Variants in AFF3 observed in about 807,000 individuals in gnomAD.
The protein encoded by AFF3 is ALF transcription elongation factor 3.
In AFF3, 32 loss-of-function variants were observed where a neutral mutation model predicts 129.7. That is an observed-to-expected ratio of 0.25 (90% confidence interval 0.19 to 0.33). The LOEUF (loss-of-function observed/expected upper bound fraction) is 0.33. Among genes scored for constraint, AFF3 ranks in the 10% least tolerant of loss-of-function variants. The pLI is 1.00. For missense variants in AFF3, 1,373 were observed against 1,592.0 expected (o/e 0.86, Z 2.34); for synonymous variants, 644 against 635.4 (o/e 1.01, Z -0.20).
chr2:99,609,591 T>C (rs189500288), intron 13 of AFF3, among the ~76,000 whole-genome samples: 33 of 152,356 alleles, frequency 2.2e-4, no homozygotes, highest in African/African-American at 7.2e-4. Flanking sequence ...TAGTATTCCA[T>C]GGTATATATA....
intron 19 of AFF3, among the ~76,000 whole-genome samples, chr2:99,568,254 C>T (rs972677847): frequency 3.9e-5 from 6 of 152,206 alleles, no homozygotes; most frequent in African/African-American, 1.2e-4. Flanking sequence ...GATGGAACAA[C>T]CACATGATCT....
intron 10 of AFF3, among the ~76,000 whole-genome samples, chr2:99,728,773 A>C (rs554480438): frequency 1.6e-4 from 25 of 152,306 alleles, no homozygotes; most frequent in Admixed American, 5.2e-4. Flanking sequence ...TACATATAAA[A>C]CCATGTTGGA....
At chr2:99,658,315 C>A (rs1433900336) in intron 12 of AFF3, among the ~76,000 whole-genome samples, 4 of 152,020 alleles carry the variant, frequency 2.6e-5, no homozygotes, top group Non-Finnish European at 5.9e-5. Context: ...GGGACACATG[C>A]CTGGTGTGGG....
chr2:99,856,150 A>G (rs1690508464), intron 7 of AFF3, among the ~76,000 whole-genome samples: 1 of 152,230 alleles, frequency 6.6e-6, no homozygotes, highest in Admixed American at 6.5e-5. Context: ...CAAGAGTAAG[A>G]AAGACATTAA....
At chr2:100,096,076 ACACTCCCATCCCCCCAACCCCAG>A (rs1355387312) in intron 4 of AFF3, among the ~76,000 whole-genome samples, 1 of 151,718 alleles carries the variant, frequency 6.6e-6, no homozygotes, top group Non-Finnish European at 1.5e-5. Context: ...CCCACCCCCA[ACACTCCCATCCCCCCAACCCCAG>A]CCCTCCCAAA....
intron 8 of AFF3, among the ~76,000 whole-genome samples, chr2:99,810,026 C>T (rs575973843): frequency 6.6e-6 from 1 of 152,296 alleles, no homozygotes; most frequent in East Asian, 1.9e-4. Context: ...CTATCTTCAA[C>T]ACCTGCACTG....
intron 13 of AFF3, among the ~76,000 whole-genome samples, chr2:99,607,905 T>A (rs1680531927): frequency 6.6e-6 from 1 of 152,198 alleles, no homozygotes; most frequent in Non-Finnish European, 1.5e-5. Flanking sequence ...CCATACCACA[T>A]GGTAAGTGAA....
intron 8 of AFF3, among the ~76,000 whole-genome samples, chr2:99,835,452 G>T (rs1325493719): frequency 6.6e-6 from 1 of 152,106 alleles, no homozygotes; most frequent in Non-Finnish European, 1.5e-5. Flanking sequence ...GTGAAGAGGG[G>T]TAGAGGATCT....
intron 13 of AFF3, among the ~76,000 whole-genome samples, chr2:99,601,956 T>C (rs570748402): frequency 1.3e-5 from 2 of 152,318 alleles, no homozygotes; most frequent in Non-Finnish European, 2.9e-5. Flanking sequence ...GCTTTTCAAA[T>C]GCATCCCCAA....
At chr2:99,621,909 G>A (rs946685443) in intron 13 of AFF3, among the ~76,000 whole-genome samples, 2 of 152,060 alleles carry the variant, frequency 1.3e-5, no homozygotes, top group African/African-American at 2.4e-5. Context: ...TGAAATAGAC[G>A]CAGGCCACGG....
At chr2:99,868,127 G>GA (rs1403416146) in intron 7 of AFF3, among the ~76,000 whole-genome samples, 1 of 151,244 alleles carries the variant, frequency 6.6e-6, no homozygotes, top group Non-Finnish European at 1.5e-5. Context: ...CACAGCTTTT[G>GA]AAAGAGTGCT....
intron 18 of AFF3, chr2:99,572,494 G>T: frequency 2.4e-6 from 1 of 419,238 alleles, no homozygotes; most frequent in East Asian, 7.3e-5. Context: ...GTGAAATGCC[G>T]CCCTCAGTAG....
chr2:100,008,436 G>A (rs563082624), intron 5 of AFF3, among the ~76,000 whole-genome samples: 28 of 152,264 alleles, frequency 1.8e-4, no homozygotes, highest in African/African-American at 5.5e-4. Flanking sequence ...ATCCATGTAC[G>A]ACAAATATGT....
At chr2:99,978,783 C>T (rs768765378) in intron 7 of AFF3, among the ~76,000 whole-genome samples, 3 of 152,200 alleles carry the variant, frequency 2.0e-5, no homozygotes, top group Non-Finnish European at 4.4e-5. Flanking sequence ...CCTCCCACCA[C>T]GTGAGGATAC....
At chr2:99,704,619 T>C (rs1050059811) in intron 11 of AFF3, among the ~76,000 whole-genome samples, 2 of 152,200 alleles carry the variant, frequency 1.3e-5, no homozygotes, top group Non-Finnish European at 2.9e-5. Flanking sequence ...CTATCTTCAA[T>C]AGCTCAGCTG....
intron 8 of AFF3, among the ~76,000 whole-genome samples, chr2:99,819,437 T>G (rs561058642): frequency 1.3e-5 from 2 of 152,246 alleles, no homozygotes; most frequent in Non-Finnish European, 2.9e-5. Flanking sequence ...CTAATGAATC[T>G]GGAAATATTC....
At chr2:99,958,469 A>ACT (rs1364948837) in intron 7 of AFF3, among the ~76,000 whole-genome samples, 28 of 149,840 alleles carry the variant, frequency 1.9e-4, no homozygotes, top group Non-Finnish European at 3.4e-4. Context: ...TGGGTGACAG[A>ACT]GCAAGACTCT....
At chr2:99,730,524 T>C (rs1679737411) in intron 10 of AFF3, among the ~76,000 whole-genome samples, 1 of 151,882 alleles carries the variant, frequency 6.6e-6, no homozygotes, top group African/African-American at 2.4e-5. Flanking sequence ...AACTTTTTTT[T>C]TTTTTTTTTG....
intron 8 of AFF3, among the ~76,000 whole-genome samples, chr2:99,782,189 C>T (rs1308965921): frequency 6.6e-6 from 1 of 152,068 alleles, no homozygotes; most frequent in Non-Finnish European, 1.5e-5. Context: ...AGTTGGGGTC[C>T]CCACATTGTA....
Sources: allele counts gnomAD v4.1 joint callset (sites outside exome capture counted in the v4.1 genomes callset), GRCh38; gene constraint gnomAD v4.1.1; transcripts MANE v1.5; gene names NCBI Gene and HGNC (gene_info 2026-07-23, HGNC 2026-07-21).